Variants in TLK1 observed in about 807,000 individuals in gnomAD.
The protein encoded by TLK1 is tousled like kinase 1, also known as serine/threonine-protein kinase tousled-like 1.
TLK1 carries 24 observed loss-of-function variants against 105.3 expected under a neutral mutation model. That is an observed-to-expected ratio of 0.23 (90% confidence interval 0.17 to 0.32). The LOEUF is 0.32. Among genes scored for constraint, TLK1 ranks in the 10% least tolerant of loss-of-function variants. TLK1 has a pLI of 1.00. For synonymous variants in TLK1, 321 were observed against 310.4 expected (o/e 1.03, Z -0.36); for missense variants, 558 against 910.5 (o/e 0.61, Z 4.98).
At chr2:171,034,963 A>G (rs1686250524) in intron 11 of TLK1, among the ~76,000 whole-genome samples, 1 of 152,044 alleles carries the variant, frequency 6.6e-6, no homozygotes, top group African/African-American at 2.4e-5. Context: ...ACCTGGTGGG[A>G]GGTAACTGAA....
intron 1 of TLK1, among the ~76,000 whole-genome samples, chr2:171,180,619 G>A (rs568822564): frequency 1.8e-4 from 28 of 152,302 alleles, no homozygotes; most frequent in Non-Finnish European, 3.4e-4. Flanking sequence ...GAGTTCTGAA[G>A]TAGTTTGTAT....
intron 20 of TLK1, among the ~76,000 whole-genome samples, chr2:170,996,324 T>C (rs1457124021): frequency 6.6e-6 from 1 of 152,184 alleles, no homozygotes; most frequent in Non-Finnish European, 1.5e-5. Flanking sequence ...ATATTTCTTA[T>C]ATACTTATAT....
chr2:171,026,765 C>T (rs997757104), intron 12 of TLK1, among the ~76,000 whole-genome samples: 1 of 152,090 alleles, frequency 6.6e-6, no homozygotes, highest in Non-Finnish European at 1.5e-5. Context: ...TCATCCTGTA[C>T]TAAAAATTCC....
chr2:171,102,565 T>C (rs1388754277), intron 2 of TLK1, among the ~76,000 whole-genome samples: 1 of 152,180 alleles, frequency 6.6e-6, no homozygotes, highest in East Asian at 1.9e-4. Flanking sequence ...GGTAAAACAA[T>C]AGTCAAAATC....
At chr2:171,038,719 C>T (rs1411951147) in intron 11 of TLK1, among the ~76,000 whole-genome samples, 1 of 152,134 alleles carries the variant, frequency 6.6e-6, no homozygotes, top group Non-Finnish European at 1.5e-5. Context: ...CATAAACTTT[C>T]AATCCTGTGA....
intron 14 of TLK1, 43 bp from the exon 15 acceptor site, chr2:171,007,106 G>T: frequency 1.3e-6 from 2 of 1,497,112 alleles, no homozygotes; most frequent in South Asian, 2.5e-5. Flanking sequence ...AAGACCAATT[G>T]AATAGCTGAA....
intron 1 of TLK1, among the ~76,000 whole-genome samples, chr2:171,190,794 G>A (rs572153135): frequency 2.4e-4 from 36 of 152,228 alleles, no homozygotes; most frequent in Admixed American, 6.5e-4. Context: ...GATTTTTAAT[G>A]GTATTTATCA....
intron 2 of TLK1, among the ~76,000 whole-genome samples, chr2:171,100,700 T>C (rs1558941807): frequency 6.6e-6 from 1 of 152,184 alleles, no homozygotes; most frequent in African/African-American, 2.4e-5. Context: ...GTGGAGAAAG[T>C]GGAACTCTCA....
At chr2:171,145,697 T>A (rs1360705276) in intron 1 of TLK1, among the ~76,000 whole-genome samples, 4 of 152,070 alleles carry the variant, frequency 2.6e-5, no homozygotes, top group Admixed American at 2.6e-4. Context: ...CAAATGTCAA[T>A]CAACAAAGTA....
chr2:171,097,879 C>G (rs190186974), intron 2 of TLK1, among the ~76,000 whole-genome samples: 2 of 150,542 alleles, frequency 1.3e-5, no homozygotes, highest in Non-Finnish European at 2.9e-5. Context: ...GAGCCAAGAT[C>G]GCATTACTGC....
intron 12 of TLK1, among the ~76,000 whole-genome samples, chr2:171,016,393 C>CA (rs1366129157): frequency 3.3e-5 from 5 of 152,126 alleles, no homozygotes; most frequent in African/African-American, 1.2e-4. Flanking sequence ...TTCAGCCTCT[C>CA]AAAGTGTTGG....
rs1157004792 is a variant in TLK1, at chr2:170,991,043, A to C, written c.*2737T>G. 1 of 152,058 alleles carries C rather than the reference A, an allele frequency of 6.6e-6. No individual in the cohort carries two copies. The highest frequency in any genetic ancestry group is 2.4e-5 in the African/African-American group (1 of 41,402). 9.4% of individuals were successfully genotyped at this position (152,058 alleles called of 1,614,324 possible). On this transcript the variant is annotated 3_prime_UTR_variant, in exon 21 of 21. Transcript: ENST00000431350. ...AAGATTGAGTCTTTATTTTTGAAAA[A>C]CCACCAAGTATCTCCAACTCCCAAC...
intron 1 of TLK1, among the ~76,000 whole-genome samples, chr2:171,166,666 G>A (rs893443637): frequency 2.0e-5 from 3 of 152,160 alleles, no homozygotes; most frequent in Admixed American, 6.5e-5. Flanking sequence ...AAGATATTTC[G>A]TAAGGTAGTA....
intron 2 of TLK1, among the ~76,000 whole-genome samples, chr2:171,106,430 GTAA>G (rs1178679305): frequency 2.6e-5 from 4 of 152,150 alleles, no homozygotes; most frequent in Non-Finnish European, 5.9e-5. Flanking sequence ...GTCTCTACAT[GTAA>G]TATCACACTG....
chr2:171,082,384 T>C (rs879660094), intron 3 of TLK1, among the ~76,000 whole-genome samples: 1 of 151,826 alleles, frequency 6.6e-6, no homozygotes, highest in Non-Finnish European at 1.5e-5. Context: ...AGGGAAAAAA[T>C]GTGTATCTCA....
chr2:171,189,386 C>T (rs1054385446), intron 1 of TLK1, among the ~76,000 whole-genome samples: 7 of 151,996 alleles, frequency 4.6e-5, no homozygotes, highest in African/African-American at 9.7e-5. Context: ...AGGCTGGTCT[C>T]GAACTCCTGA....
chr2:171,047,172 G>A (rs1045071572), intron 10 of TLK1, among the ~76,000 whole-genome samples: 8 of 152,160 alleles, frequency 5.3e-5, no homozygotes, highest in South Asian at 4.2e-4. Context: ...TTCTAAAAAC[G>A]AATAGATACC....
rs899158827 is a variant in TLK1 at position 170,992,003 on chromosome 2, C to T, written c.*1777G>A. On this transcript the variant is annotated 3_prime_UTR_variant, in exon 21 of 21. Coordinates refer to ENST00000431350, the MANE Select transcript of TLK1 (RefSeq NM_012290.5). ...TAAGTGTTACTTACCCAGGAGTTGC[C>T]TTGATAATGGTTATTAGGTTTAACT... 6 of 151,932 alleles carry T rather than the reference C, an allele frequency of 3.9e-5. No homozygotes were observed. Among genetic ancestry groups the T allele is most frequent in the African/African-American group, 1.5e-4 (6 of 41,332 alleles). 9.4% of individuals were successfully genotyped at this position (151,932 alleles called of 1,614,324 possible). A position where few individuals can be genotyped will look rare whatever the true frequency, so the allele number is the denominator to read the frequency against.
chr2:171,015,318 G>C (rs576977977), intron 12 of TLK1, among the ~76,000 whole-genome samples: 32 of 151,468 alleles, frequency 2.1e-4, no homozygotes, highest in Non-Finnish European at 3.8e-4. Flanking sequence ...TTTACTAGTA[G>C]AAAACAAATA....
Sources: allele counts gnomAD v4.1 joint callset (sites outside exome capture counted in the v4.1 genomes callset), GRCh38; gene constraint gnomAD v4.1.1; transcripts MANE v1.5; gene names NCBI Gene and HGNC (gene_info 2026-07-23, HGNC 2026-07-21).